FAM241A: variants seen among roughly 807,000 people sequenced by gnomAD.
The protein encoded by FAM241A is uncharacterized protein FAM241A.
A neutral mutation model predicts 12.2 loss-of-function variants in FAM241A; 7 were observed. The observed-to-expected ratio is 0.58, with a 90% confidence interval of 0.33 to 1.08. The LOEUF is 1.08. FAM241A is among the 50% of genes least tolerant of loss of function. The probability of loss-of-function intolerance (pLI) is 0.04; values close to 1 mark genes in which losing one functional copy is unlikely to be tolerated. For synonymous variants in FAM241A, 74 were observed against 68.2 expected (o/e 1.08, Z -0.42); for missense variants, 161 against 169.7 (o/e 0.95, Z 0.29).
At chr4:112,158,415 T>A (rs779678094) in intron 1 of FAM241A, among the ~76,000 whole-genome samples, 2 of 152,158 alleles carry the variant, frequency 1.3e-5, no homozygotes, top group African/African-American at 2.4e-5. Flanking sequence ...TAGCATATAC[T>A]TTCTTGATAG....
At chr4:112,152,257 A>G (rs1420971515) in intron 1 of FAM241A, among the ~76,000 whole-genome samples, 1 of 152,192 alleles carries the variant, frequency 6.6e-6, no homozygotes, top group African/African-American at 2.4e-5. Flanking sequence ...GCTGAAACTA[A>G]GGAGGTGGTA....
intron 1 of FAM241A, among the ~76,000 whole-genome samples, chr4:112,167,668 G>A (rs559456388): frequency 6.6e-6 from 1 of 152,220 alleles, no homozygotes; most frequent in South Asian, 2.1e-4. Flanking sequence ...GTGCAGCAGT[G>A]TTTTATATGG....
rs141883345 is a variant in FAM241A, at chr4:112,190,883, CA to C, written c.*3946del. On this transcript the variant is annotated 3_prime_UTR_variant, in exon 2 of 2. Transcript: ENST00000309733. Reference sequence around the variant, plus strand: ...TCAGTCCAACAGCCTGCTCTCACATCACTCCACACAGCAGCTCGGCAATGTC... The same window carrying C: ...TCAGTCCAACAGCCTGCTCTCACATCCTCCACACAGCAGCTCGGCAATGTC... 4,477 of 152,228 alleles carry C rather than the reference CA, an allele frequency of 0.029. 177 individuals are homozygous for C. Among genetic ancestry groups the C allele is most frequent in the East Asian group, 0.16 (831 of 5,166 alleles). 9.4% of individuals were successfully genotyped at this position (152,228 alleles called of 1,614,324 possible).
intron 1 of FAM241A, among the ~76,000 whole-genome samples, chr4:112,157,157 A>G (rs1723370162): frequency 6.6e-6 from 1 of 152,166 alleles, no homozygotes; most frequent in Non-Finnish European, 1.5e-5. Context: ...AACCCAGTAA[A>G]TGTTACAACC....
chr4:112,156,074 A>G (rs1266555244), intron 1 of FAM241A, among the ~76,000 whole-genome samples: 2 of 152,232 alleles, frequency 1.3e-5, no homozygotes, highest in Non-Finnish European at 2.9e-5. Flanking sequence ...TGGATTTTAA[A>G]CAGGATAGAG....
At chr4:112,180,788 C>A (rs1011942600) in intron 1 of FAM241A, among the ~76,000 whole-genome samples, 1 of 152,054 alleles carries the variant, frequency 6.6e-6, no homozygotes. Flanking sequence ...TGGAAAAGTA[C>A]GGAAATAGAT....
intron 1 of FAM241A, among the ~76,000 whole-genome samples, chr4:112,148,080 G>A (rs1251477352): frequency 6.6e-6 from 1 of 152,066 alleles, no homozygotes; most frequent in Admixed American, 6.5e-5. Flanking sequence ...CAATGATTTT[G>A]TCAACACCTA....
intron 1 of FAM241A, chr4:112,171,526 TC>T (rs1344915028): frequency 1.3e-6 from 1 of 762,344 alleles, no homozygotes; most frequent in African/African-American, 1.7e-5. Context: ...GTGATTCAGT[TC>T]TAAGTGTCAT....
intron 1 of FAM241A, among the ~76,000 whole-genome samples, chr4:112,183,074 T>G (rs1723973661): frequency 6.6e-6 from 1 of 152,104 alleles, no homozygotes; most frequent in Non-Finnish European, 1.5e-5. Context: ...ATATTTGATG[T>G]TTCTACAGAA....
At chr4:112,161,203 A>G (rs1723460066) in intron 1 of FAM241A, among the ~76,000 whole-genome samples, 1 of 152,216 alleles carries the variant, frequency 6.6e-6, no homozygotes, top group African/African-American at 2.4e-5. Flanking sequence ...CCCATAAGAG[A>G]AAGCAGGAAA....
At chr4:112,158,091 CCTT>C (rs1723389634) in intron 1 of FAM241A, among the ~76,000 whole-genome samples, 1 of 151,876 alleles carries the variant, frequency 6.6e-6, no homozygotes, top group African/African-American at 2.4e-5. Context: ...CAAACTTTGT[CCTT>C]CATTATTTAT....
intron 1 of FAM241A, among the ~76,000 whole-genome samples, chr4:112,151,700 G>A (rs1344486630): frequency 3.9e-5 from 6 of 152,138 alleles, no homozygotes; most frequent in African/African-American, 1.4e-4. Context: ...TACATATGAA[G>A]TTGTTTAACT....
rs1724085820 is a variant in FAM241A at position 112,188,289 on chromosome 4, G to A, written c.*1351G>A. 6.6e-6 allele frequency: 1 copy of A among 152,160 alleles called. No individual in the cohort carries two copies. Among genetic ancestry groups the A allele is most frequent in the African/African-American group, 2.4e-5 (1 of 41,456 alleles). The allele number at this position is 152,160 out of a possible 1,614,324, so 9.4% of individuals were successfully genotyped here. A position where few individuals can be genotyped will look rare whatever the true frequency, so the allele number is the denominator to read the frequency against. ...TTTGGTAGGGCAACAAGTAAAACAT[G>A]TAGAGTGCTTGCTATCCCACTTCAT... On this transcript the variant is annotated 3_prime_UTR_variant, in exon 2 of 2. Transcript: ENST00000309733.
intron 1 of FAM241A, among the ~76,000 whole-genome samples, chr4:112,146,189 T>C (rs1023433345): frequency 6.6e-6 from 1 of 152,136 alleles, no homozygotes; most frequent in Non-Finnish European, 1.5e-5. Flanking sequence ...CTAGCGTGTC[T>C]GGAAGGTGTG....
intron 1 of FAM241A, among the ~76,000 whole-genome samples, chr4:112,179,350 CA>C (rs1185628827): frequency 6.6e-6 from 1 of 152,158 alleles, no homozygotes; most frequent in Non-Finnish European, 1.5e-5. Flanking sequence ...AAATGTGGCA[CA>C]TATACACCAT....
chr4:112,152,259 G>A (rs1253130381), intron 1 of FAM241A, among the ~76,000 whole-genome samples: 1 of 152,140 alleles, frequency 6.6e-6, no homozygotes, highest in Non-Finnish European at 1.5e-5. Flanking sequence ...TGAAACTAAG[G>A]AGGTGGTACT....
At chr4:112,174,311 G>A (rs978885695) in intron 1 of FAM241A, among the ~76,000 whole-genome samples, 20 of 152,200 alleles carry the variant, frequency 1.3e-4, no homozygotes, top group Non-Finnish European at 2.8e-4. Flanking sequence ...TTACAGCAGG[G>A]TGTCACCCCA....
intron 1 of FAM241A, among the ~76,000 whole-genome samples, chr4:112,173,081 G>T (rs933438574): frequency 2.0e-5 from 3 of 151,986 alleles, no homozygotes; most frequent in Non-Finnish European, 2.9e-5. Context: ...TAGAGTCAGG[G>T]TCTCACTATG....
rs759831425 is a variant in FAM241A at position 112,186,650 on chromosome 4, C to G, written c.154-43C>G. The G allele has an allele frequency of 3.8e-5, 59 of 1,559,984 alleles. 1 individual carries two copies. In the South Asian group the frequency reaches 6.8e-4, roughly 18 times the overall value. Reference sequence around the variant, plus strand: ...GGTTCTTAAAGACGTTTACATATTTCTCATGTTATGTTCATGTTTTGTCTT... The same window carrying G: ...GGTTCTTAAAGACGTTTACATATTTGTCATGTTATGTTCATGTTTTGTCTT... On this transcript the variant is annotated intron_variant, in intron 1 of 1. Transcript: ENST00000309733.
Sources: allele counts gnomAD v4.1 joint callset (sites outside exome capture counted in the v4.1 genomes callset), GRCh38; gene constraint gnomAD v4.1.1; transcripts MANE v1.5; gene names NCBI Gene and HGNC (gene_info 2026-07-23, HGNC 2026-07-21).